The following AFF2 variants were observed in gnomAD, a reference collection of about 807,000 sequenced individuals.
AFF2 encodes the protein AF4/FMR2 family member 2.
Under a neutral mutation model 76.9 loss-of-function variants are expected in AFF2, and 14 were observed. The ratio of observed to expected loss-of-function variants is 0.18; its 90% CI spans 0.12 to 0.28. AFF2 has a LOEUF of 0.28. Ranked by LOEUF, AFF2 falls within the 10% of genes least tolerant of loss-of-function variation. The probability of loss-of-function intolerance (pLI) is 1.00; values close to 1 mark genes in which losing one functional copy is unlikely to be tolerated. For synonymous variants in AFF2, 398 were observed against 366.7 expected (o/e 1.09, Z -0.98); for missense variants, 868 against 1,001.1 (o/e 0.87, Z 1.79).
chrX:148,982,749 T>C (rs2072410676), intron 19 of AFF2, among the ~76,000 whole-genome samples: 2 of 111,503 alleles, frequency 1.8e-5, no homozygotes, highest in Middle Eastern at 4.7e-3. Flanking sequence ...AGAAAGAAAG[T>C]GCAAAGAAGC....
intron 1 of AFF2, among the ~76,000 whole-genome samples, chrX:148,544,436 C>T (rs1265277365): frequency 1.8e-5 from 2 of 111,392 alleles, no homozygotes; most frequent in African/African-American, 3.3e-5. Flanking sequence ...CTCTCTCTGT[C>T]TCTGATTTCT....
chrX:148,883,842 T>G (rs1008745312), intron 7 of AFF2, among the ~76,000 whole-genome samples: 6 of 111,109 alleles, frequency 5.4e-5, no homozygotes, highest in African/African-American at 1.6e-4. Context: ...AGGACCAAAT[T>G]CCGTGCTGCT....
chrX:148,710,246 G>C lies in AFF2; in HGVS notation c.1041+47478G>C, dbSNP rs149411441. Among the ~76,000 whole-genome samples, 476 of 111,716 alleles carry C rather than the reference G, an allele frequency of 4.3e-3. 1 individual carries two copies. The highest frequency in any genetic ancestry group is 0.018 in the Middle Eastern group (4 of 218). ...TAAAAAATGGCACAACAGAACTGAAGACAAATAAGGCTCTTAAAATATATG... is the reference window on the plus strand; with the variant it reads ...TAAAAAATGGCACAACAGAACTGAACACAAATAAGGCTCTTAAAATATATG... On this transcript the variant is annotated intron_variant, in intron 3 of 20. Coordinates refer to ENST00000370460, the MANE Select transcript of AFF2 (RefSeq NM_002025.4).
chrX:148,749,399 G>A (rs782720266), intron 3 of AFF2, among the ~76,000 whole-genome samples: 22 of 110,665 alleles, frequency 2.0e-4, no homozygotes, highest in African/African-American at 7.2e-4. Flanking sequence ...AGCCTTCCAA[G>A]TAGCTGGGAC....
At chrX:148,849,187 A>G (rs782343918) in intron 7 of AFF2, among the ~76,000 whole-genome samples, 1 of 110,993 alleles carries the variant, frequency 9.0e-6, no homozygotes, top group African/African-American at 3.3e-5. Context: ...AGAGCTGTAG[A>G]TTTACATTTC....
intron 4 of AFF2, among the ~76,000 whole-genome samples, chrX:148,832,904 TAAC>T (rs782558747): frequency 3.6e-5 from 4 of 112,008 alleles, no homozygotes; most frequent in Non-Finnish European, 7.5e-5. Flanking sequence ...TCTCTGACTA[TAAC>T]AACAACAATG....
chrX:148,876,633 A>T (rs1557277930), intron 7 of AFF2, among the ~76,000 whole-genome samples: 1 of 111,835 alleles, frequency 8.9e-6, no homozygotes, highest in Non-Finnish European at 1.9e-5. Context: ...AGTAAATGAG[A>T]GTTATGTTCA....
rs782221030 is a variant in AFF2, at chrX:148,962,850, C to T, written c.2826C>T (p.Asn942=). 1.1e-5 allele frequency: 13 copies of T among 1,210,549 alleles called. No homozygotes were observed. In the South Asian group the frequency reaches 1.2e-4, roughly 11 times the overall value. ...ATGGTCCCTTTGGTCAAGACAAAAA[C>T]ATCGCCATGACTGGACAAATCACAT... ...GNNGPFGQDK[N]IAMTGQITST... is the part of the protein sequence containing the mutation. Residue 942 remains asparagine (N), a synonymous_variant, in exon 13 of 21, where the codon AAC becomes AAT. Coordinates refer to ENST00000370460, the MANE Select transcript of AFF2 (RefSeq NM_002025.4).
In AFF2 at chrX:148,983,953, C is replaced by CAAA. The variant is rs56767828; in HGVS notation, c.3623+3176_3623+3178dup. On this transcript the variant is annotated intron_variant, in intron 19 of 20. Transcript: ENST00000370460. ...GAAGTATGGCACAGAGTGAAATAGA[C>CAAA]AAAAAAAAAAAAAAACTGCCCTCAT... Among the ~76,000 whole-genome samples, 6 of 29,125 alleles carry CAAA rather than the reference C, an allele frequency of 2.1e-4. 1 individual carries two copies. Among genetic ancestry groups the CAAA allele is most frequent in the Admixed American group, 7.8e-4 (1 of 1,290 alleles). The allele number at this position is 29,125 out of a possible 115,157, so 25.3% of individuals were successfully genotyped here.
At chrX:148,784,302 C>G (rs1471116233) in intron 3 of AFF2, among the ~76,000 whole-genome samples, 1 of 112,082 alleles carries the variant, frequency 8.9e-6, no homozygotes, top group Middle Eastern at 4.2e-3. Context: ...GAGGTAATGT[C>G]TTTGTTCAGC....
intron 3 of AFF2, among the ~76,000 whole-genome samples, chrX:148,742,048 G>T (rs1327305804): frequency 9.0e-6 from 1 of 111,361 alleles, no homozygotes; most frequent in Non-Finnish European, 1.9e-5. Flanking sequence ...GGGTCTGTGG[G>T]TCCTCTCAGG....
chrX:148,662,700 G>A lies in AFF2; in HGVS notation c.973G>A (p.Asp325Asn). 8.3e-7 allele frequency: 1 copy of A among 1,212,015 alleles called. No homozygotes were observed. The highest frequency in any genetic ancestry group is 1.1e-6 in the Non-Finnish European group (1 of 895,531). Reference protein sequence around the residue: ...FGNLSFGTLLDGKPSAASSKT... With the variant: ...FGNLSFGTLLNGKPSAASSKT... ...GAATCTGTCATTTGGAACACTCTTG[G>A]ATGGAAAACCCAGTGCAGCCAGTTC... Residue 325 changes from aspartate to asparagine, a missense_variant, in exon 3 of 21, where the codon GAT becomes AAT. Asp to Asn is a conservative substitution (Grantham distance 23). Around this residue, in one of 6 missense-constraint regions of AFF2, gnomAD observed 532 missense variants for 564.2 expected, o/e 0.94. Coordinates refer to ENST00000370460, the MANE Select transcript of AFF2 (RefSeq NM_002025.4).
At chrX:148,643,645 A>G (rs2054112595) in intron 1 of AFF2, among the ~76,000 whole-genome samples, 2 of 112,255 alleles carry the variant, frequency 1.8e-5, no homozygotes, top group African/African-American at 6.5e-5. Context: ...TCTATTGTGC[A>G]ATAGAGCTGT....
intron 3 of AFF2, among the ~76,000 whole-genome samples, chrX:148,793,748 G>C (rs1223817233): frequency 1.8e-5 from 2 of 111,652 alleles, no homozygotes; most frequent in Non-Finnish European, 3.8e-5. Context: ...CATTCACATG[G>C]TTATGTGACC....
intron 4 of AFF2, among the ~76,000 whole-genome samples, chrX:148,822,931 GT>G (rs2070345956): frequency 9.0e-6 from 1 of 111,320 alleles, no homozygotes; most frequent in African/African-American, 3.3e-5. Flanking sequence ...CATCCTGGCT[GT>G]CTGGGCCTCT....
intron 3 of AFF2, among the ~76,000 whole-genome samples, chrX:148,718,564 G>C (rs1409770504): frequency 4.5e-5 from 5 of 111,571 alleles, no homozygotes; most frequent in Non-Finnish European, 7.5e-5. Context: ...AAGTTCATAT[G>C]AATCAAAGGT....
At chrX:148,718,047 G>A (rs1427889473) in intron 3 of AFF2, among the ~76,000 whole-genome samples, 1 of 106,877 alleles carries the variant, frequency 9.4e-6, no homozygotes, top group African/African-American at 3.5e-5. Flanking sequence ...AACATAGAAT[G>A]CATCTTTCAG....
intron 1 of AFF2, among the ~76,000 whole-genome samples, chrX:148,606,827 A>G (rs1398678322): frequency 1.8e-5 from 2 of 111,800 alleles, no homozygotes; most frequent in African/African-American, 6.5e-5. Context: ...AGAAGTGCCA[A>G]TTAACAGAGA....
chrX:148,706,750 C>T (rs1268446923), intron 3 of AFF2, among the ~76,000 whole-genome samples: 1 of 112,617 alleles, frequency 8.9e-6, no homozygotes, highest in Non-Finnish European at 1.9e-5. Flanking sequence ...AAGGATGTTC[C>T]ATAGTTCATG....
Sources: gnomAD v4.1 joint callset for allele counts (sites outside exome capture counted in the v4.1 genomes callset) on GRCh38, gnomAD v4.1.1 for gene constraint, gnomAD v4.1.1 regional missense constraint, MANE v1.5 for transcripts, NCBI Gene and HGNC (gene_info 2026-07-23, HGNC 2026-07-21) for gene names.